Variants in AACS observed in about 807,000 individuals in gnomAD.
The protein encoded by AACS is acetoacetyl-CoA synthetase.
Under a neutral mutation model 83.1 loss-of-function variants are expected in AACS, and 69 were observed. The ratio of observed to expected loss-of-function variants is 0.83; its 90% CI spans 0.68 to 1.01. AACS has a LOEUF of 1.01. AACS is among the 50% of genes least tolerant of loss of function. The pLI is 0.00. For missense variants in AACS, 866 were observed against 882.2 expected, an observed-to-expected ratio of 0.98 and a Z score of 0.23; for synonymous variants, 333 against 343.4, an observed-to-expected ratio of 0.97 and a Z score of 0.33.
chr12:125,073,230 C>T (rs1043898332), intron 1 of AACS, among the ~76,000 whole-genome samples: 2 of 152,156 alleles, frequency 1.3e-5, no homozygotes, highest in African/African-American at 4.8e-5. Context: ...GTCTGGCCTC[C>T]ATATGACTTT....
intron 3 of AACS, among the ~76,000 whole-genome samples, chr12:125,083,635 A>G (rs918321434): frequency 4.6e-5 from 7 of 151,956 alleles, no homozygotes; most frequent in Admixed American, 4.6e-4. Flanking sequence ...CTACTGAGCA[A>G]TAAAAGAAGT....
chr12:125,074,322 T>C (rs1955959215), intron 2 of AACS, among the ~76,000 whole-genome samples: 1 of 152,120 alleles, frequency 6.6e-6, no homozygotes, highest in Non-Finnish European at 1.5e-5. Context: ...CAGACCAAGA[T>C]GGGAGGATCC....
At chr12:125,086,262 C>T in intron 3 of AACS, 68 bp from the exon 4 acceptor site, 1 of 1,359,226 alleles carries the variant, frequency 7.4e-7, no homozygotes, top group Non-Finnish European at 1.0e-6. Flanking sequence ...ATTTTTCATT[C>T]AGTGTCTGGC....
chr12:125,139,206 T>G (rs1307219252), intron 17 of AACS: 3 of 152,260 alleles, frequency 2.0e-5, no homozygotes, highest in Non-Finnish European at 4.4e-5. Context: ...ACACTCCTTG[T>G]GTTGAGTAAG....
chr12:125,132,906 C>A (rs1435612117), intron 14 of AACS, among the ~76,000 whole-genome samples: 2 of 152,156 alleles, frequency 1.3e-5, no homozygotes, highest in African/African-American at 4.8e-5. Flanking sequence ...TTAGCTCTTG[C>A]CACAGAGTGG....
chr12:125,097,882 C>A lies in AACS; in HGVS notation c.571-4797C>A, dbSNP rs1956643192. The stretch of plus-strand genomic sequence containing the variant: ...CCGTTGGCTGTTCTTGCCGCCTCTC[C>A]ACTGTCCTCCTTCATACGTTTGATT... On this transcript the variant is annotated intron_variant, in intron 5 of 17. Coordinates refer to ENST00000316519, the MANE Select transcript of AACS (RefSeq NM_023928.5). The surrounding 1 kb of genome is among the most constrained non-coding windows in gnomAD (Gnocchi z 4.3). Among the ~76,000 whole-genome samples, 1 of 152,216 alleles carries A rather than the reference C, an allele frequency of 6.6e-6. No individual in the cohort carries two copies. Among genetic ancestry groups the A allele is most frequent in the African/African-American group, 2.4e-5 (1 of 41,454 alleles).
In AACS at chr12:125,097,452, T is replaced by C. The variant is rs956847985; in HGVS notation, c.571-5227T>C. ...TTTACTTAAAAAAAAAAAAAAAAAGTGCGTTGGGGCAGCTCCAAGGGCGTC... is the reference window on the plus strand; with the variant it reads ...TTTACTTAAAAAAAAAAAAAAAAAGCGCGTTGGGGCAGCTCCAAGGGCGTC... On this transcript the variant is annotated intron_variant, in intron 5 of 17. Transcript: ENST00000316519. The surrounding 1 kb of genome is among the most constrained non-coding windows in gnomAD (Gnocchi z 4.3). Among the ~76,000 whole-genome samples, 1 of 139,130 alleles carries C rather than the reference T, an allele frequency of 7.2e-6. No individual in the cohort carries two copies. The highest frequency in any genetic ancestry group is 1.6e-5 in the Non-Finnish European group (1 of 62,814). 91.3% of individuals were successfully genotyped at this position (139,130 alleles called of 152,430 possible).
chr12:125,104,377 C>T (rs965372135), intron 7 of AACS, among the ~76,000 whole-genome samples: 2 of 152,184 alleles, frequency 1.3e-5, no homozygotes, highest in Non-Finnish European at 2.9e-5. Flanking sequence ...GGCTTGTTAC[C>T]GTCTGTCAGG....
In AACS at chr12:125,128,251, C is replaced by G. The variant is rs1196015307; in HGVS notation, c.1400C>G (p.Ala467Gly). The G allele has an allele frequency of 1.2e-6, 2 of 1,612,260 alleles. No homozygotes were observed. Among genetic ancestry groups the G allele is most frequent in the Non-Finnish European group, 1.7e-6 (2 of 1,178,770 alleles). Residue 467 changes from alanine to glycine, a missense_variant, in exon 13 of 18, where the codon GCC (alanine) becomes GGC (glycine). Physicochemically the swap from Ala to Gly is moderately conservative, Grantham distance 60. Transcript: ENST00000316519. ...GEIQARNLGM[A>G]VEAWNEEGKA... The stretch of plus-strand genomic sequence containing the variant: ...ATTCAGGCCCGGAACCTGGGCATGG[C>G]CGTGGAAGCGTGGAACGAGGAAGGT...
Position 125,129,113 on chromosome 12 carries a change from C to A in AACS, c.1424-222C>A, listed in dbSNP as rs948312726. ...CACACATGGGAATAACAAATCACTA[C>A]GTCCGAGACAGCGATTTTGGGGAGC... On this transcript the variant is annotated intron_variant, in intron 13 of 17. Coordinates refer to ENST00000316519, the MANE Select transcript of AACS (RefSeq NM_023928.5). This position sits in a 1 kb window ranked among gnomAD's most constrained non-coding sequence, Gnocchi z 4.3. The A allele has an allele frequency of 4.3e-6, 2 of 462,140 alleles. No homozygotes were observed. Among genetic ancestry groups the A allele is most frequent in the East Asian group, 4.4e-5 (1 of 22,782 alleles). The allele number at this position is 462,140 out of a possible 1,614,324, so 28.6% of individuals were successfully genotyped here.
At chr12:125,087,710 A>G (rs900267044) in intron 4 of AACS, among the ~76,000 whole-genome samples, 1 of 152,212 alleles carries the variant, frequency 6.6e-6, no homozygotes, top group African/African-American at 2.4e-5. Flanking sequence ...AAGAGGCAGG[A>G]GGAGCTGGGC....
intron 5 of AACS, among the ~76,000 whole-genome samples, chr12:125,095,942 T>C (rs1011534573): frequency 6.6e-6 from 1 of 152,178 alleles, no homozygotes; most frequent in Non-Finnish European, 1.5e-5. Context: ...TCCTGCCTTA[T>C]CAGGGTTAGG....
At position 125,118,590 on chromosome 12, in the gene AACS, G is replaced by T. The variant is rs370811190; in HGVS notation, c.997-51G>T. 5.0e-6 allele frequency: 8 copies of T among 1,603,866 alleles called. No homozygotes were observed. The African/African-American group carries it at 5.4e-5, about 11-fold the overall frequency. On this transcript the variant is annotated intron_variant, in intron 9 of 17. Coordinates refer to ENST00000316519, the MANE Select transcript of AACS (RefSeq NM_023928.5). ...CACAGGAAGCTGAGGGGGCAGCGCT[G>T]GGGGGAGCTGCCTAGCGCCCGCTGA...
intron 2 of AACS, among the ~76,000 whole-genome samples, chr12:125,075,932 T>G (rs1594574004): frequency 6.6e-6 from 1 of 152,298 alleles, no homozygotes; most frequent in East Asian, 1.9e-4. Flanking sequence ...TAGAAAAAAC[T>G]TTTCAATTCC....
rs1956566889 is a variant in AACS, at chr12:125,094,785, C to T, written c.570+3262C>T. On this transcript the variant is annotated intron_variant, in intron 5 of 17. Coordinates refer to ENST00000316519, the MANE Select transcript of AACS (RefSeq NM_023928.5). This position sits in a 1 kb window ranked among gnomAD's most constrained non-coding sequence, Gnocchi z 4.1. ...GGAAGTGCTCTGTTCTAAGGGTTCC[C>T]AACCTTTCCAGCCCCAGCAAGATCT... is the stretch of plus-strand genomic sequence containing the variant. Among the ~76,000 whole-genome samples the T allele has an allele frequency of 6.6e-6, 1 of 152,208 alleles. No homozygotes were observed. The highest frequency in any genetic ancestry group is 1.9e-4 in the East Asian group (1 of 5,202).
intron 3 of AACS, among the ~76,000 whole-genome samples, chr12:125,081,279 C>T (rs1956177080): frequency 6.6e-6 from 1 of 152,220 alleles, no homozygotes; most frequent in Non-Finnish European, 1.5e-5. Flanking sequence ...CAGGCGTGAA[C>T]CACCACGCCT....
At chr12:125,084,611 C>G (rs371317840) in intron 3 of AACS, among the ~76,000 whole-genome samples, 1 of 150,934 alleles carries the variant, frequency 6.6e-6, no homozygotes, top group African/African-American at 2.4e-5. Context: ...CAGAGTCTCA[C>G]TCTGTCACCC....
At chr12:125,110,625 G>A (rs1956935247) in intron 8 of AACS, among the ~76,000 whole-genome samples, 1 of 152,088 alleles carries the variant, frequency 6.6e-6, no homozygotes, top group Non-Finnish European at 1.5e-5. Flanking sequence ...CCTATAGGGA[G>A]GAGAAAAATC....
At chr12:125,106,195 A>G (rs1016897403) in intron 7 of AACS, among the ~76,000 whole-genome samples, 1 of 152,210 alleles carries the variant, frequency 6.6e-6, no homozygotes, top group Non-Finnish European at 1.5e-5. Flanking sequence ...CCCTGAGAGA[A>G]AGTCCATTTG....
Sources: allele counts gnomAD v4.1 joint callset (sites outside exome capture counted in the v4.1 genomes callset), GRCh38; gene constraint gnomAD v4.1.1; non-coding constraint Gnocchi (gnomAD v3.1); transcripts MANE v1.5; gene names NCBI Gene and HGNC (gene_info 2026-07-23, HGNC 2026-07-21).